DHRSX: variants seen among roughly 807,000 people sequenced by gnomAD.
DHRSX encodes the protein polyprenol dehydrogenase.
DHRSX carries 31 observed loss-of-function variants against 34.0 expected under a neutral mutation model. The observed-to-expected ratio is 0.91, with a 90% confidence interval of 0.69 to 1.23. The LOEUF (loss-of-function observed/expected upper bound fraction) is 1.23, where lower values mean the gene tolerates loss of function less well. Among genes scored for constraint, DHRSX ranks in the 50% most tolerant of loss-of-function variants. The probability of loss-of-function intolerance (pLI) is 0.00; values close to 1 mark genes in which losing one functional copy is unlikely to be tolerated. For synonymous variants in DHRSX, 201 were observed against 183.8 expected (o/e 1.09, Z -0.76); for missense variants, 414 against 428.1 (o/e 0.97, Z 0.29).
At chrX:2,457,970 G>T (rs1457372521) in intron 1 of DHRSX, among the ~76,000 whole-genome samples, 1 of 150,828 alleles carries the variant, frequency 6.6e-6, no homozygotes, top group African/African-American at 2.4e-5. Flanking sequence ...TAAGCTTGTG[G>T]CTAAGGGACC....
intron 1 of DHRSX, chrX:2,488,803 C>A: frequency 6.2e-7 from 1 of 1,613,892 alleles, no homozygotes; most frequent in Non-Finnish European, 8.5e-7. Flanking sequence ...CGTCCACGTG[C>A]GCGGGAGCCA....
intron 3 of DHRSX, among the ~76,000 whole-genome samples, chrX:2,370,463 G>A (rs931827015): frequency 1.3e-5 from 2 of 151,936 alleles, no homozygotes; most frequent in African/African-American, 2.4e-5. Flanking sequence ...GAGCCACCGC[G>A]CCCAGCTGAG....
At chrX:2,402,698 T>C (rs1006258581) in intron 3 of DHRSX, among the ~76,000 whole-genome samples, 6 of 139,362 alleles carry the variant, frequency 4.3e-5, no homozygotes, top group African/African-American at 8.3e-5. Flanking sequence ...TTTTAAACTT[T>C]TTTCTTTTAA....
At chrX:2,246,744 G>GAAAA (rs1376011281) in intron 5 of DHRSX, among the ~76,000 whole-genome samples, 3 of 108,120 alleles carry the variant, frequency 2.8e-5, no homozygotes, top group Non-Finnish European at 7.3e-5. Flanking sequence ...AAGAAAGAAA[G>GAAAA]AAAGAAAAAG....
rs759575021 is a variant in DHRSX, at chrX:2,408,712, A to C, written c.286+33T>G. On this transcript the variant is annotated intron_variant, in intron 3 of 6. Coordinates refer to ENST00000334651, the MANE Select transcript of DHRSX (RefSeq NM_145177.3). ...CGACCTGTCCCAAGGAAAAAAAAAA[A>C]CAAAAAAAAGCCATTGGAGTATCTC... 1.3e-5 allele frequency: 21 copies of C among 1,578,170 alleles called. No homozygotes were observed. In the Admixed American group the frequency reaches 2.8e-4, roughly 21 times the overall value.
At chrX:2,271,790 C>T (rs946367913) in intron 4 of DHRSX, among the ~76,000 whole-genome samples, 3 of 152,116 alleles carry the variant, frequency 2.0e-5, no homozygotes, top group African/African-American at 7.2e-5. Context: ...TGTAATCCTC[C>T]CAGCACTTTC....
chrX:2,398,520 C>T (rs964508380), intron 3 of DHRSX, among the ~76,000 whole-genome samples: 8 of 152,056 alleles, frequency 5.3e-5, no homozygotes, highest in African/African-American at 1.9e-4. Flanking sequence ...TTTCTGGAAA[C>T]GCACCGACTA....
intron 6 of DHRSX, among the ~76,000 whole-genome samples, chrX:2,239,269 G>A (rs1283572240): frequency 1.3e-5 from 2 of 152,090 alleles, no homozygotes; most frequent in Non-Finnish European, 2.9e-5. Context: ...GGTGGCTCAT[G>A]CCTGTCATCC....
Position 2,410,485 on chromosome X carries a change from G to A in DHRSX, c.218-1672C>T, listed in dbSNP as rs189089527. Reference sequence around the variant, plus strand: ...GTGAGGTGTTCTGTAGTACAGCACCGTCCCCGGGTCTCCATGAAAATACAT... The same window carrying A: ...GTGAGGTGTTCTGTAGTACAGCACCATCCCCGGGTCTCCATGAAAATACAT... On this transcript the variant is annotated intron_variant, in intron 2 of 6. Coordinates refer to ENST00000334651, the MANE Select transcript of DHRSX (RefSeq NM_145177.3). 3.6e-3 allele frequency among the ~76,000 whole-genome samples: 550 copies of A among 152,262 alleles called. 1 individual carries two copies. The highest frequency in any genetic ancestry group is 0.012 in the African/African-American group (484 of 41,554).
At chrX:2,296,028 C>A (rs1212470626) in intron 3 of DHRSX, among the ~76,000 whole-genome samples, 46 of 152,130 alleles carry the variant, frequency 3.0e-4, no homozygotes, top group Non-Finnish European at 2.9e-5. Flanking sequence ...TGTGTCACCT[C>A]CTTCAGGAAG....
chrX:2,403,183 C>G (rs2043509083), intron 3 of DHRSX, among the ~76,000 whole-genome samples: 1 of 152,048 alleles, frequency 6.6e-6, no homozygotes, highest in Admixed American at 6.6e-5. Context: ...TGTCCAGCAA[C>G]TTTTAGTTAT....
chrX:2,489,672 G>A (rs201125661), intron 1 of DHRSX: 67 of 1,612,426 alleles, frequency 4.2e-5, no homozygotes, highest in South Asian at 3.5e-4. Flanking sequence ...CAGGAGACGC[G>A]GTTGCTCACC....
intron 3 of DHRSX, among the ~76,000 whole-genome samples, chrX:2,339,853 GAAT>G (rs376581997): frequency 1.0e-3 from 153 of 152,174 alleles, no homozygotes; most frequent in African/African-American, 3.4e-3. Context: ...CTTTATAGTA[GAAT>G]GATTTATAAT....
At chrX:2,443,935 G>A (rs2044095089) in intron 1 of DHRSX, among the ~76,000 whole-genome samples, 1 of 151,920 alleles carries the variant, frequency 6.6e-6, no homozygotes, top group Non-Finnish European at 1.5e-5. Context: ...GAACCCGGGA[G>A]GTGGAGCTTG....
intron 1 of DHRSX, among the ~76,000 whole-genome samples, chrX:2,445,719 G>C (rs1452561007): frequency 6.6e-6 from 1 of 151,620 alleles, no homozygotes; most frequent in Non-Finnish European, 1.5e-5. Context: ...CGTTCCCTAA[G>C]CATGCAGCCA....
intron 1 of DHRSX, among the ~76,000 whole-genome samples, chrX:2,463,170 C>G (rs1345840452): frequency 6.6e-6 from 1 of 152,134 alleles, no homozygotes; most frequent in Non-Finnish European, 1.5e-5. Flanking sequence ...TTATAAATTA[C>G]CCAACTGAAG....
At chrX:2,485,763 AGAAGGAAG>A (rs1172129841) in intron 1 of DHRSX, among the ~76,000 whole-genome samples, 1 of 46,304 alleles carries the variant, frequency 2.2e-5, no homozygotes, top group East Asian at 8.9e-4. Context: ...AGGAAGGGAG[AGAAGGAAG>A]GAAGGGAGAA....
chrX:2,466,790 G>A (rs1002543528), intron 1 of DHRSX, among the ~76,000 whole-genome samples: 2 of 152,094 alleles, frequency 1.3e-5, no homozygotes, highest in African/African-American at 4.8e-5. Context: ...GAAAAAAGTA[G>A]GCTGGGGGCG....
intron 3 of DHRSX, among the ~76,000 whole-genome samples, chrX:2,395,713 A>G (rs1300114323): frequency 6.6e-6 from 1 of 152,082 alleles, no homozygotes; most frequent in South Asian, 2.1e-4. Context: ...ACGCATGTTC[A>G]GGGTCACCTT....
Sources: gnomAD v4.1 joint callset for allele counts (sites outside exome capture counted in the v4.1 genomes callset) on GRCh38, gnomAD v4.1.1 for gene constraint, MANE v1.5 for transcripts, NCBI Gene and HGNC (gene_info 2026-07-23, HGNC 2026-07-21) for gene names.